SMAD1: variants seen among roughly 807,000 people sequenced by gnomAD.
The protein encoded by SMAD1 is SMAD family member 1, also known as MAD, mothers against decapentaplegic homolog 1.
SMAD1 carries 6 observed loss-of-function variants against 41.6 expected under a neutral mutation model. That is an observed-to-expected ratio of 0.14 (90% confidence interval 0.08 to 0.28). SMAD1 has a LOEUF of 0.28. Ranked by LOEUF, SMAD1 falls within the 10% of genes least tolerant of loss-of-function variation. SMAD1 has a pLI of 1.00. For synonymous variants in SMAD1, 206 were observed against 203.2 expected (o/e 1.01, Z -0.12); for missense variants, 379 against 582.6 (o/e 0.65, Z 3.60).
At position 145,516,243 on chromosome 4, in the gene SMAD1, ATATTT is replaced by A. The variant is rs147442873; in HGVS notation, c.400+1234_400+1238del. Among the ~76,000 whole-genome samples, 325 of 152,258 alleles carry A rather than the reference ATATTT, an allele frequency of 2.1e-3. 3 individuals carry two copies. Among genetic ancestry groups the A allele is most frequent in the African/African-American group, 7.0e-3 (292 of 41,550 alleles). On this transcript the variant is annotated intron_variant, in intron 2 of 6. Transcript: ENST00000302085. ...ATGTATGAGTCCATGACAATATGTAATATTTTATATATTTAAAAATGTTACATAAT... is the reference window on the plus strand; with the variant it reads ...ATGTATGAGTCCATGACAATATGTAATATATATTTAAAAATGTTACATAAT...
intron 1 of SMAD1, among the ~76,000 whole-genome samples, chr4:145,485,620 C>T (rs1340944975): frequency 1.3e-5 from 2 of 152,134 alleles, no homozygotes; most frequent in African/African-American, 2.4e-5. Context: ...CATATATAAA[C>T]TAATTTTATC....
intron 2 of SMAD1, among the ~76,000 whole-genome samples, chr4:145,533,569 A>G (rs1731438535): frequency 6.6e-6 from 1 of 152,154 alleles, no homozygotes; most frequent in Non-Finnish European, 1.5e-5. Context: ...CTGTAGTCCT[A>G]GCTGCTCAGG....
At chr4:145,483,856 A>G (rs1244996868) in intron 1 of SMAD1, among the ~76,000 whole-genome samples, 3 of 152,146 alleles carry the variant, frequency 2.0e-5, no homozygotes, top group Non-Finnish European at 2.9e-5. Context: ...AACCAAATAC[A>G]TTTTACCTCT....
chr4:145,489,546 T>C (rs1404349829), intron 1 of SMAD1, among the ~76,000 whole-genome samples: 5 of 152,108 alleles, frequency 3.3e-5, no homozygotes, highest in Non-Finnish European at 5.9e-5. Flanking sequence ...GAGAAAGAGA[T>C]GTCGGAGATA....
intron 6 of SMAD1, among the ~76,000 whole-genome samples, chr4:145,554,750 T>G (rs1217801143): frequency 6.6e-6 from 1 of 152,204 alleles, no homozygotes; most frequent in African/African-American, 2.4e-5. Flanking sequence ...AAACCTTAAA[T>G]GTCTGATTAG....
intron 2 of SMAD1, among the ~76,000 whole-genome samples, chr4:145,535,977 A>G (rs972837526): frequency 2.8e-4 from 42 of 150,538 alleles, no homozygotes; most frequent in Admixed American, 1.1e-3. Context: ...CCAAGTTCTT[A>G]GTATACCAAA....
chr4:145,527,337 C>T (rs1246174150), intron 2 of SMAD1, among the ~76,000 whole-genome samples: 1 of 151,488 alleles, frequency 6.6e-6, no homozygotes, highest in Non-Finnish European at 1.5e-5. Flanking sequence ...CATTCTCCTG[C>T]CTCAGCCTCC....
chr4:145,495,429 A>G (rs886111646), intron 1 of SMAD1, among the ~76,000 whole-genome samples: 3 of 152,162 alleles, frequency 2.0e-5, no homozygotes, highest in African/African-American at 7.2e-5. Flanking sequence ...GTTGAAATTA[A>G]TATCTTAGCA....
chr4:145,506,952 C>T (rs1033673651), intron 1 of SMAD1, among the ~76,000 whole-genome samples: 4 of 152,002 alleles, frequency 2.6e-5, no homozygotes, highest in Admixed American at 6.5e-5. Context: ...ATTAATTAGC[C>T]GTGTCGAGTA....
intron 1 of SMAD1, among the ~76,000 whole-genome samples, chr4:145,507,596 A>C (rs1420718212): frequency 6.6e-6 from 1 of 151,428 alleles, no homozygotes; most frequent in Non-Finnish European, 1.5e-5. Context: ...CCTTAGAGTA[A>C]ATTTCTGAAG....
chr4:145,554,722 A>T (rs1250704006), intron 6 of SMAD1, among the ~76,000 whole-genome samples: 1 of 152,304 alleles, frequency 6.6e-6, no homozygotes, highest in Admixed American at 6.5e-5. Flanking sequence ...AATTTTTAAG[A>T]TGCCATTGAA....
intron 2 of SMAD1, among the ~76,000 whole-genome samples, chr4:145,538,288 A>C (rs760350093): frequency 2.0e-5 from 3 of 152,236 alleles, no homozygotes; most frequent in Non-Finnish European, 2.9e-5. Flanking sequence ...TTTATAGTTC[A>C]GATGACTATT....
In SMAD1 at chr4:145,491,046, G is replaced by T. The variant is rs116227996; in HGVS notation, c.-177+9008G>T. Among the ~76,000 whole-genome samples the T allele has an allele frequency of 3.7e-3, 565 of 152,258 alleles. 3 individuals carry two copies. The highest frequency in any genetic ancestry group is 0.013 in the African/African-American group (533 of 41,540). ...GGAGGGTTATTAATAGCCAGCCACAGAGCCCTTCAAAATGTGGCTCCAAAG... is the reference window on the plus strand; with the variant it reads ...GGAGGGTTATTAATAGCCAGCCACATAGCCCTTCAAAATGTGGCTCCAAAG... On this transcript the variant is annotated intron_variant, in intron 1 of 6. Transcript: ENST00000302085.
intron 1 of SMAD1, among the ~76,000 whole-genome samples, chr4:145,487,754 A>G (rs1728552439): frequency 6.6e-6 from 1 of 152,228 alleles, no homozygotes; most frequent in South Asian, 2.1e-4. Flanking sequence ...TGTCAGTTTT[A>G]GAGGTGCAGG....
chr4:145,526,987 T>C (rs1458054502), intron 2 of SMAD1, among the ~76,000 whole-genome samples: 1 of 152,182 alleles, frequency 6.6e-6, no homozygotes, highest in African/African-American at 2.4e-5. Flanking sequence ...AAAGGCTTTA[T>C]GTACTAATGC....
At chr4:145,510,171 CCTTCT>C (rs2126385257) in intron 1 of SMAD1, among the ~76,000 whole-genome samples, 1 of 152,094 alleles carries the variant, frequency 6.6e-6, no homozygotes, top group Non-Finnish European at 1.5e-5. Flanking sequence ...GTAATTTGTG[CCTTCT>C]CTTTTTTATT....
At chr4:145,481,772 G>GTGA (rs1728184071), upstream of SMAD1, 1 of 196,248 alleles carries the variant, frequency 5.1e-6, no homozygotes, top group Non-Finnish European at 1.0e-5. Flanking sequence ...TGAGCGGGCG[G>GTGA]GCGGGCAGGC....
intron 1 of SMAD1, among the ~76,000 whole-genome samples, chr4:145,511,199 G>T (rs1203159212): frequency 6.6e-6 from 1 of 152,034 alleles, no homozygotes; most frequent in East Asian, 1.9e-4. Context: ...TATACTTTGG[G>T]ATTATATCTA....
intron 2 of SMAD1, among the ~76,000 whole-genome samples, chr4:145,515,761 T>G (rs1730347928): frequency 6.6e-6 from 1 of 152,188 alleles, no homozygotes; most frequent in Non-Finnish European, 1.5e-5. Flanking sequence ...CACTTAAATG[T>G]CTCATTGTCG....
Sources: allele counts gnomAD v4.1 joint callset (sites outside exome capture counted in the v4.1 genomes callset), GRCh38; gene constraint gnomAD v4.1.1; transcripts MANE v1.5; gene names NCBI Gene and HGNC (gene_info 2026-07-23, HGNC 2026-07-21).